The following ADCY5 variants were observed in gnomAD, a reference collection of about 807,000 sequenced individuals.
ADCY5 encodes the protein adenylate cyclase type 5.
ADCY5 carries 30 observed loss-of-function variants against 119.7 expected under a neutral mutation model. That is an observed-to-expected ratio of 0.25 (90% CI 0.19 to 0.34). The LOEUF (loss-of-function observed/expected upper bound fraction) is 0.34, where lower values mean the gene tolerates loss of function less well. ADCY5 is among the 10% of genes least tolerant of loss of function. The pLI is 1.00. For missense variants in ADCY5, 1,324 were observed against 1,775.2 expected (o/e 0.75, Z 4.57); for synonymous variants, 753 against 762.2 (o/e 0.99, Z 0.20).
chr3:123,438,944 G>T (rs143143034), intron 1 of ADCY5, among the ~76,000 whole-genome samples: 1,922 of 151,834 alleles, frequency 0.013, 22 homozygotes, highest in Admixed American at 0.023. Context: ...TAGAGACAGG[G>T]TCTCACTATT....
At chr3:123,387,899 A>G (rs1944277375) in intron 1 of ADCY5, among the ~76,000 whole-genome samples, 1 of 152,196 alleles carries the variant, frequency 6.6e-6, no homozygotes, top group South Asian at 2.1e-4. Flanking sequence ...CCAGAAAGGA[A>G]AGGAAAGAGT....
chr3:123,329,672 G>A (rs1559811372), intron 5 of ADCY5, among the ~76,000 whole-genome samples: 1 of 152,126 alleles, frequency 6.6e-6, no homozygotes, highest in Non-Finnish European at 1.5e-5. Flanking sequence ...CACTCAGCTA[G>A]CCAGGGGACC....
chr3:123,289,428 T>C (rs1367300678), intron 19 of ADCY5, among the ~76,000 whole-genome samples: 1 of 152,264 alleles, frequency 6.6e-6, no homozygotes, highest in African/African-American at 2.4e-5. Context: ...ACAAAGCCCT[T>C]CGAGCAGGCA....
At chr3:123,417,804 A>G (rs1370772105) in intron 1 of ADCY5, among the ~76,000 whole-genome samples, 2 of 152,210 alleles carry the variant, frequency 1.3e-5, no homozygotes, top group African/African-American at 4.8e-5. Flanking sequence ...TGATGGTTAT[A>G]CTTCTTTCCA....
chr3:123,379,305 G>C (rs1454266696), intron 1 of ADCY5, among the ~76,000 whole-genome samples: 1 of 152,172 alleles, frequency 6.6e-6, no homozygotes, highest in Non-Finnish European at 1.5e-5. Flanking sequence ...CCAGGGGTTG[G>C]GGGTGGGTTG....
intron 1 of ADCY5, among the ~76,000 whole-genome samples, chr3:123,435,312 C>G (rs1261158253): frequency 6.6e-6 from 1 of 152,142 alleles, no homozygotes; most frequent in East Asian, 1.9e-4. Flanking sequence ...CGTAAGGCAG[C>G]ACTGACTTGA....
At chr3:123,311,826 G>A (rs1352109064) in intron 12 of ADCY5, among the ~76,000 whole-genome samples, 4 of 152,138 alleles carry the variant, frequency 2.6e-5, no homozygotes, top group African/African-American at 7.2e-5. Context: ...GGGGTAGAGG[G>A]CGGGTATTCC....
rs57198270 is a variant in ADCY5, at chr3:123,345,769, G to GACAGACACACACACACACACAC, written c.1406+2012_1406+2013insGTGTGTGTGTGTGTGTGTCTGT. ...AGACAGACAGACAGACAGACAGACA[G>GACAGACACACACACACACACAC]ACACACACACACACACACACACACA... On this transcript the variant is annotated intron_variant, in intron 3 of 20. Coordinates refer to ENST00000462833, the MANE Select transcript of ADCY5 (RefSeq NM_183357.3). Among the ~76,000 whole-genome samples, 50 of 113,832 alleles carry GACAGACACACACACACACACAC rather than the reference G, an allele frequency of 4.4e-4. 1 individual carries two copies. Among genetic ancestry groups the GACAGACACACACACACACACAC allele is most frequent in the East Asian group, 4.2e-3 (18 of 4,238 alleles). 74.7% of individuals were successfully genotyped at this position (113,832 alleles called of 152,430 possible). A position where few individuals can be genotyped will look rare whatever the true frequency, so the allele number is the denominator to read the frequency against.
chr3:123,434,352 G>A (rs1024939202), intron 1 of ADCY5, among the ~76,000 whole-genome samples: 2 of 152,236 alleles, frequency 1.3e-5, no homozygotes, highest in African/African-American at 4.8e-5. Context: ...AAATTGTTTG[G>A]GGCACCCAGG....
rs753015666 is a variant in ADCY5, at chr3:123,318,124, G to A, written c.2257-7C>T. ...CGTCTACCTGCTTGGAGTACTGAGA[G>A]GAGACGGGCAGGGTGAGAGGGGCCA... On this transcript the variant is annotated splice_polypyrimidine_tract_variant and splice_region_variant and intron_variant, in intron 10 of 20. Transcript: ENST00000462833. 2 of 1,611,576 alleles carry A rather than the reference G, an allele frequency of 1.2e-6. No homozygotes were observed. Among genetic ancestry groups the A allele is most frequent in the East Asian group, 2.2e-5 (1 of 44,810 alleles).
In ADCY5 at chr3:123,352,760, A is replaced by G. The variant is rs1942886414; in HGVS notation, c.1135-179T>C. On this transcript the variant is annotated intron_variant, in intron 1 of 20. Coordinates refer to ENST00000462833, the MANE Select transcript of ADCY5 (RefSeq NM_183357.3). The surrounding 1 kb of genome is among the most constrained non-coding windows in gnomAD (Gnocchi z 4.8). ...CGAGCATAATCGATCGGGCTCTCTG[A>G]TGTCCTCAAAGCCAGAAGTTTGGCT... Among the ~76,000 whole-genome samples, 1 of 152,174 alleles carries G rather than the reference A, an allele frequency of 6.6e-6. No individual in the cohort carries two copies. Among genetic ancestry groups the G allele is most frequent in the Non-Finnish European group, 1.5e-5 (1 of 68,034 alleles).
In ADCY5 at chr3:123,286,599, C is replaced by G; in HGVS notation, c.3657+86G>C. 1 of 1,484,560 alleles carries G rather than the reference C, an allele frequency of 6.7e-7. No individual in the cohort carries two copies. Among genetic ancestry groups the G allele is most frequent in the Non-Finnish European group, 9.0e-7 (1 of 1,116,910 alleles). 92.0% of individuals were successfully genotyped at this position (1,484,560 alleles called of 1,614,324 possible). ...TGGCTGCAGACATTCTGACTGGGAACTGTAGGTGGCCTGCCCTGAAGACCT... is the reference window on the plus strand; with the variant it reads ...TGGCTGCAGACATTCTGACTGGGAAGTGTAGGTGGCCTGCCCTGAAGACCT... On this transcript the variant is annotated intron_variant, in intron 20 of 20. Coordinates refer to ENST00000462833, the MANE Select transcript of ADCY5 (RefSeq NM_183357.3). The surrounding 1 kb of genome is among the most constrained non-coding windows in gnomAD (Gnocchi z 4.2).
chr3:123,337,651 C>T (rs1017165938), intron 3 of ADCY5, among the ~76,000 whole-genome samples: 3 of 152,242 alleles, frequency 2.0e-5, no homozygotes, highest in Admixed American at 2.0e-4. Flanking sequence ...ACAAGGCAGT[C>T]TCTTCTCACA....
intron 14 of ADCY5, among the ~76,000 whole-genome samples, chr3:123,302,223 C>G (rs935667890): frequency 6.6e-6 from 1 of 152,256 alleles, no homozygotes; most frequent in Non-Finnish European, 1.5e-5. Flanking sequence ...CAGCTGCTGA[C>G]AGCGAACTGC....
In ADCY5 at chr3:123,325,441, C is replaced by A. The variant is rs775510502; in HGVS notation, c.1969G>T (p.Ala657Ser). 6.2e-7 allele frequency: 1 copy of A among 1,613,994 alleles called. No homozygotes were observed. Residue 657 changes from alanine (A) to serine (S), a missense_variant, in exon 8 of 21, where the codon GCC (alanine) becomes TCC (serine). Coordinates refer to ENST00000462833, the MANE Select transcript of ADCY5 (RefSeq NM_183357.3). ...QKRKEEKAMI[A>S]KMNRQRTNSI... is the part of the protein sequence containing the mutation. ...TTGGTTCTCTGGCGGTTCATCTTGG[C>A]GATCATGGCCTTCTCTTCTTTCTGG...
chr3:123,360,837 T>C (rs868633744), intron 1 of ADCY5, among the ~76,000 whole-genome samples: 7 of 152,148 alleles, frequency 4.6e-5, no homozygotes, highest in African/African-American at 1.7e-4. Flanking sequence ...TGCAAAACAC[T>C]TTCTCACATG....
At chr3:123,435,045 G>T (rs1183912401) in intron 1 of ADCY5, among the ~76,000 whole-genome samples, 1 of 152,182 alleles carries the variant, frequency 6.6e-6, no homozygotes, top group Admixed American at 6.5e-5. Flanking sequence ...AGCACTTTGG[G>T]AGGCCAGGGC....
intron 15 of ADCY5, 24 bp downstream of exon 15, chr3:123,300,096 G>A: frequency 1.2e-6 from 2 of 1,611,692 alleles, no homozygotes; most frequent in South Asian, 1.1e-5. Context: ...GCCCAGTGGG[G>A]AGCGTGAGGG....
At chr3:123,303,313 C>G (rs1426960752) in intron 13 of ADCY5, 94 bp from the exon 14 acceptor site, 2 of 1,365,204 alleles carry the variant, frequency 1.5e-6, no homozygotes, top group African/African-American at 2.9e-5. Flanking sequence ...CCCGCCTGTC[C>G]TCCGCCTCAG....
Sources: allele counts gnomAD v4.1 joint callset (sites outside exome capture counted in the v4.1 genomes callset), GRCh38; gene constraint gnomAD v4.1.1; non-coding constraint Gnocchi (gnomAD v3.1); transcripts MANE v1.5; gene names NCBI Gene and HGNC (gene_info 2026-07-23, HGNC 2026-07-21).